The following SMUG1 variants were observed in gnomAD, a reference collection of about 807,000 sequenced individuals.
The protein encoded by SMUG1 is single-strand selective monofunctional uracil DNA glycosylase.
SMUG1 carries 13 observed loss-of-function variants against 23.9 expected under a neutral mutation model. The observed-to-expected ratio is 0.54, with a 90% confidence interval of 0.35 to 0.86. SMUG1 has a LOEUF of 0.86. Among genes scored for constraint, SMUG1 ranks in the 40% least tolerant of loss-of-function variants. The pLI is 0.01. For synonymous variants in SMUG1, 133 were observed against 139.8 expected, an observed-to-expected ratio of 0.95 and a Z score of 0.34; for missense variants, 313 against 339.5, an observed-to-expected ratio of 0.92 and a Z score of 0.61.
downstream of SMUG1, chr12:54,164,431 G>A (rs1174815352): frequency 6.5e-6 from 1 of 152,722 alleles, no homozygotes; most frequent in African/African-American, 2.4e-5. Flanking sequence ...AGCACCAGCT[G>A]AGAGACAAAG....
downstream of SMUG1, among the ~76,000 whole-genome samples, chr12:54,175,916 G>GA (rs910794046): frequency 6.0e-5 from 9 of 151,028 alleles, no homozygotes; most frequent in Non-Finnish European, 8.9e-5. Context: ...CAGTAAGGGA[G>GA]AAAAAAAAAG....
At chr12:54,169,743 C>T (rs2136541087) in intron 3 of SMUG1, among the ~76,000 whole-genome samples, 1 of 152,328 alleles carries the variant, frequency 6.6e-6, no homozygotes, top group African/African-American at 2.4e-5. Context: ...TCCTCCACTG[C>T]TATTCTGCAT....
At chr12:54,177,745 C>T (rs1940792431), downstream of SMUG1, among the ~76,000 whole-genome samples, 2 of 152,092 alleles carry the variant, frequency 1.3e-5, no homozygotes, top group African/African-American at 4.8e-5. Context: ...AAAAGCCAGT[C>T]TGATGAGACT....
chr12:54,170,305 C>G (rs187645082), intron 3 of SMUG1, among the ~76,000 whole-genome samples: 59 of 152,262 alleles, frequency 3.9e-4, no homozygotes, highest in African/African-American at 1.4e-3. Context: ...CTAGCCGCAG[C>G]TCTCTTTCCC....
chr12:54,176,225 T>A (rs1940745181), downstream of SMUG1, among the ~76,000 whole-genome samples: 1 of 129,966 alleles, frequency 7.7e-6, no homozygotes, highest in Non-Finnish European at 1.7e-5. Context: ...AAACTCCATC[T>A]AAAAAAAAAA....
chr12:54,160,572 G>A (rs1450518827), downstream of SMUG1, among the ~76,000 whole-genome samples: 1 of 152,152 alleles, frequency 6.6e-6, no homozygotes, highest in Non-Finnish European at 1.5e-5. Context: ...GTCGTAGGAG[G>A]AGTGCTACGG....
At position 54,182,641 on chromosome 12, in the gene SMUG1, G is replaced by A; in HGVS notation, c.286-18C>T. ...AAGGGCACCTGTGAGGAAGGAGAGAGACATGAAAGGCTTCAAACTGGAGAC... is the reference window on the plus strand; with the variant it reads ...AAGGGCACCTGTGAGGAAGGAGAGAAACATGAAAGGCTTCAAACTGGAGAC... On this transcript the variant is annotated intron_variant, in intron 3 of 3. Coordinates refer to ENST00000682136, the MANE Select transcript of SMUG1 (RefSeq NM_001243787.2). 1 of 1,589,536 alleles carries A rather than the reference G, an allele frequency of 6.3e-7. No individual in the cohort carries two copies.
chr12:54,167,021 T>C (rs1940488803), intron 3 of SMUG1, among the ~76,000 whole-genome samples: 1 of 152,310 alleles, frequency 6.6e-6, no homozygotes, highest in Middle Eastern at 3.4e-3. Flanking sequence ...CCTCCAAGCA[T>C]CTGGCATTGG....
downstream of SMUG1, chr12:54,163,236 G>C (rs1241498042): frequency 6.6e-6 from 1 of 152,230 alleles, no homozygotes; most frequent in Non-Finnish European, 1.5e-5. Flanking sequence ...GTTTTCCCAG[G>C]AACTGTGAAG....
chr12:54,188,158 T>A lies in SMUG1; in HGVS notation c.-103-256A>T, dbSNP rs1286429341. 2.0e-5 allele frequency among the ~76,000 whole-genome samples: 3 copies of A among 151,862 alleles called. No homozygotes were observed. The East Asian group carries it at 5.8e-4, about 29-fold the overall frequency. ...CGACTTCAGACTGATGTCAGACTTCTCTGACATCAAATCCGGGAAGTGAGG... is the reference window on the plus strand; with the variant it reads ...CGACTTCAGACTGATGTCAGACTTCACTGACATCAAATCCGGGAAGTGAGG... On this transcript the variant is annotated intron_variant, in intron 1 of 3. Transcript: ENST00000682136.
intron 2 of SMUG1, among the ~76,000 whole-genome samples, chr12:54,174,366 C>CA (rs57269477): frequency 0.06 from 9,204 of 152,140 alleles, 357 homozygotes; most frequent in East Asian, 0.19. Context: ...AAAAACTGAA[C>CA]AAAAAAACAA....
At chr12:54,166,773 G>A (rs897671819) in intron 3 of SMUG1, among the ~76,000 whole-genome samples, 3 of 152,188 alleles carry the variant, frequency 2.0e-5, no homozygotes, top group Admixed American at 2.0e-4. Context: ...AGGCACAGGG[G>A]ACAGGAGACA....
chr12:54,185,295 A>T (rs3136383), intron 2 of SMUG1, among the ~76,000 whole-genome samples: 4 of 150,480 alleles, frequency 2.7e-5, no homozygotes, highest in Non-Finnish European at 5.9e-5. Flanking sequence ...ACAACAGTGA[A>T]ACTCTCTCTC....
intron 2 of SMUG1, among the ~76,000 whole-genome samples, chr12:54,184,934 C>T (rs542982686): frequency 2.6e-5 from 4 of 152,082 alleles, no homozygotes; most frequent in Non-Finnish European, 4.4e-5. Context: ...GAGGCCAAGG[C>T]GGCTGAATCA....
Position 54,180,874 on chromosome 12 carries a change from G to C in SMUG1, c.*1222C>G, listed in dbSNP as rs1940957233. 1 of 151,968 alleles carries C rather than the reference G, an allele frequency of 6.6e-6. No homozygotes were observed. The highest frequency in any genetic ancestry group is 6.6e-5 in the Admixed American group (1 of 15,242). The allele number at this position is 151,968 out of a possible 1,614,324, so 9.4% of individuals were successfully genotyped here. On this transcript the variant is annotated 3_prime_UTR_variant, in exon 4 of 4. Coordinates refer to ENST00000682136, the MANE Select transcript of SMUG1 (RefSeq NM_001243787.2). ...GTGGTGGCACATGCCTGTAATTCCA[G>C]CTATACAGGAGGCTGAGGCAGGAGA...
downstream of SMUG1, among the ~76,000 whole-genome samples, chr12:54,176,171 A>T (rs908956315): frequency 6.6e-6 from 1 of 151,418 alleles, no homozygotes; most frequent in Non-Finnish European, 1.5e-5. Flanking sequence ...AGTTGTGGTG[A>T]GCCAAGATCA....
chr12:54,173,489 G>C (rs904792669), intron 2 of SMUG1, among the ~76,000 whole-genome samples: 16 of 152,284 alleles, frequency 1.1e-4, no homozygotes, highest in African/African-American at 3.6e-4. Flanking sequence ...GAGCTGGCTC[G>C]TAAAAGCCGC....
chr12:54,170,321 C>G (rs1338620402), intron 3 of SMUG1, among the ~76,000 whole-genome samples: 1 of 152,138 alleles, frequency 6.6e-6, no homozygotes, highest in Non-Finnish European at 1.5e-5. Context: ...TTCCCTAGCT[C>G]TGGGACCATA....
In SMUG1 at chr12:54,188,267, A is replaced by AAATAATAAT. The variant is rs869140620; in HGVS notation, c.-103-374_-103-366dup. On this transcript the variant is annotated intron_variant, in intron 1 of 3. Coordinates refer to ENST00000682136, the MANE Select transcript of SMUG1 (RefSeq NM_001243787.2). ...GGACAATAATAAATATCCTTAAACGAAATAATAATAATAATAATAATAATA... is the reference window on the plus strand; with the variant it reads ...GGACAATAATAAATATCCTTAAACGAAATAATAATAATAATAATAATAATAATAATAATA... Among the ~76,000 whole-genome samples the AAATAATAAT allele has an allele frequency of 7.1e-3, 794 of 111,506 alleles. 6 individuals are homozygous for AAATAATAAT. Among genetic ancestry groups the AAATAATAAT allele is most frequent in the East Asian group, 0.023 (86 of 3,754 alleles). The allele number at this position is 111,506 out of a possible 152,430, so 73.2% of individuals were successfully genotyped here.
Sources: gnomAD v4.1 joint callset for allele counts (sites outside exome capture counted in the v4.1 genomes callset) on GRCh38, gnomAD v4.1.1 for gene constraint, MANE v1.5 for transcripts, NCBI Gene and HGNC (gene_info 2026-07-23, HGNC 2026-07-21) for gene names.